Variants in DACH2 observed in about 807,000 individuals in gnomAD.
DACH2 encodes dachshund homolog 2.
A neutral mutation model predicts 35.8 loss-of-function variants in DACH2; 17 were observed. The observed-to-expected ratio is 0.48, with a 90% CI of 0.33 to 0.71. The LOEUF (loss-of-function observed/expected upper bound fraction) is 0.71. Ranked by LOEUF, DACH2 falls within the 30% of genes least tolerant of loss-of-function variation. The pLI is 0.02. For synonymous variants in DACH2, 195 were observed against 177.3 expected, an observed-to-expected ratio of 1.10 and a Z score of -0.79; for missense variants, 469 against 472.7, an observed-to-expected ratio of 0.99 and a Z score of 0.07.
intron 1 of DACH2, among the ~76,000 whole-genome samples, chrX:86,197,876 T>C (rs2147898708): frequency 8.9e-6 from 1 of 111,821 alleles, no homozygotes; most frequent in African/African-American, 3.2e-5. Context: ...TTAACAAAGA[T>C]ATTCAGGACC....
chrX:86,726,377 C>T (rs1569474451), intron 6 of DACH2, among the ~76,000 whole-genome samples: 1 of 111,343 alleles, frequency 9.0e-6, no homozygotes, highest in African/African-American at 3.3e-5. Flanking sequence ...GGCCCATAAC[C>T]AGAGAGAGTG....
intron 2 of DACH2, among the ~76,000 whole-genome samples, chrX:86,474,599 C>T (rs2037812462): frequency 8.9e-6 from 1 of 112,149 alleles, no homozygotes; most frequent in Admixed American, 9.4e-5. Flanking sequence ...TTTTCCAGCA[C>T]TATTATTTGA....
intron 1 of DACH2, among the ~76,000 whole-genome samples, chrX:86,294,280 C>A (rs987559861): frequency 9.0e-6 from 1 of 111,406 alleles, no homozygotes; most frequent in Non-Finnish European, 1.9e-5. Flanking sequence ...TCCATCAGCT[C>A]CTTTAAGCAC....
intron 1 of DACH2, among the ~76,000 whole-genome samples, chrX:86,280,703 A>G (rs774498809): frequency 1.8e-5 from 2 of 112,008 alleles, no homozygotes; most frequent in Non-Finnish European, 3.8e-5. Flanking sequence ...TATTCAGGAA[A>G]CCCATCAAAC....
intron 3 of DACH2, among the ~76,000 whole-genome samples, chrX:86,526,185 A>T (rs1186145971): frequency 4.5e-5 from 5 of 111,894 alleles, no homozygotes; most frequent in Non-Finnish European, 9.4e-5. Context: ...TTCTTAAAAA[A>T]AAATACATTT....
intron 11 of DACH2, among the ~76,000 whole-genome samples, chrX:86,822,198 C>G (rs905424173): frequency 7.1e-5 from 8 of 112,073 alleles, no homozygotes; most frequent in East Asian, 5.6e-4. Context: ...AAACAAACAG[C>G]ATTTTCATAG....
chrX:86,713,613 T>C (rs2041302219), intron 5 of DACH2, among the ~76,000 whole-genome samples: 1 of 111,626 alleles, frequency 9.0e-6, no homozygotes, highest in African/African-American at 3.3e-5. Flanking sequence ...TTAGGCAAGA[T>C]TACTGTAGAG....
intron 3 of DACH2, among the ~76,000 whole-genome samples, chrX:86,537,581 C>A (rs951751005): frequency 8.9e-6 from 1 of 111,844 alleles, no homozygotes; most frequent in South Asian, 3.7e-4. Flanking sequence ...TTATAAATTC[C>A]ATCTTTAAAT....
At chrX:86,796,213 CTGGTGCGTTTTTACAGAGTGCTGAT>C (rs1342722636) in intron 7 of DACH2, among the ~76,000 whole-genome samples, 1 of 111,425 alleles carries the variant, frequency 9.0e-6, no homozygotes, top group Non-Finnish European at 1.9e-5. Flanking sequence ...AGAGCGCTGA[CTGGTGCGTTTTTACAGAGTGCTGAT>C]TGGTGCGTTT....
At position 86,364,766 on chromosome X, in the gene DACH2, A is replaced by G. The variant is rs1289058595; in HGVS notation, c.489-12058A>G. Among the ~76,000 whole-genome samples the G allele has an allele frequency of 1.4e-4, 16 of 111,653 alleles. 1 individual carries two copies. ...TAAAAATTTGTTTGAATTAAGAGAT[A>G]AGTGGATAGTAACGGTTTTCTTTAA... On this transcript the variant is annotated intron_variant, in intron 1 of 11. Coordinates refer to ENST00000373125, the MANE Select transcript of DACH2 (RefSeq NM_053281.3).
At chrX:86,281,873 C>A (rs1186845139) in intron 1 of DACH2, among the ~76,000 whole-genome samples, 1 of 111,754 alleles carries the variant, frequency 8.9e-6, no homozygotes, top group Non-Finnish European at 1.9e-5. Context: ...AAACAGAGAA[C>A]CAAATCATGA....
chrX:86,480,869 A>G (rs1306240666), intron 2 of DACH2, among the ~76,000 whole-genome samples: 1 of 112,260 alleles, frequency 8.9e-6, no homozygotes, highest in Non-Finnish European at 1.9e-5. Context: ...GATGTATGTA[A>G]AAACACAGTT....
intron 2 of DACH2, among the ~76,000 whole-genome samples, chrX:86,505,669 T>C (rs979770205): frequency 8.9e-6 from 1 of 112,014 alleles, no homozygotes; most frequent in African/African-American, 3.2e-5. Flanking sequence ...TGTTTAGATA[T>C]ATTGACTAAT....
intron 2 of DACH2, among the ~76,000 whole-genome samples, chrX:86,424,945 T>G (rs1166529110): frequency 9.0e-6 from 1 of 111,556 alleles, no homozygotes; most frequent in African/African-American, 3.2e-5. Context: ...TATGGTTTTA[T>G]TTTTCATTCT....
chrX:86,610,309 TTCTTTCTTTCTCCTTCCTTCCTTCC>T (rs1469588178), intron 3 of DACH2, among the ~76,000 whole-genome samples: 1 of 111,282 alleles, frequency 9.0e-6, no homozygotes, highest in African/African-American at 3.3e-5. Context: ...GTTTCTTTCT[TTCTTTCTTTCTCCTTCCTTCCTTCC>T]TCTTTCTTTC....
At chrX:86,413,010 G>A (rs941920411) in intron 2 of DACH2, among the ~76,000 whole-genome samples, 2 of 111,575 alleles carry the variant, frequency 1.8e-5, no homozygotes, top group Non-Finnish European at 3.8e-5. Context: ...TGTAGGAGAG[G>A]CCAAATGCAT....
intron 1 of DACH2, among the ~76,000 whole-genome samples, chrX:86,267,880 TG>T (rs1215666278): frequency 8.9e-6 from 1 of 112,027 alleles, no homozygotes; most frequent in African/African-American, 3.2e-5. Context: ...ATTGGCTGCA[TG>T]GGTAATATAG....
At chrX:86,641,009 C>A (rs1236030715) in intron 3 of DACH2, among the ~76,000 whole-genome samples, 3 of 112,204 alleles carry the variant, frequency 2.7e-5, no homozygotes, top group Non-Finnish European at 5.6e-5. Context: ...GAGAAAGAAC[C>A]AGCCTAAGAA....
At chrX:86,641,431 A>T (rs2040345855) in intron 3 of DACH2, among the ~76,000 whole-genome samples, 1 of 112,007 alleles carries the variant, frequency 8.9e-6, no homozygotes, top group South Asian at 3.7e-4. Flanking sequence ...GAATGACAAG[A>T]ATCTCCAGGA....
Sources: allele counts gnomAD v4.1 joint callset (sites outside exome capture counted in the v4.1 genomes callset), GRCh38; gene constraint gnomAD v4.1.1; transcripts MANE v1.5; gene names NCBI Gene and HGNC (gene_info 2026-07-23, HGNC 2026-07-21).